The following LHFPL3 variants were observed in gnomAD, a reference collection of about 807,000 sequenced individuals.
The protein encoded by LHFPL3 is LHFPL tetraspan subfamily member 3 protein.
LHFPL3 carries 5 observed loss-of-function variants against 19.3 expected under a neutral mutation model. That is an observed-to-expected ratio of 0.26 (90% confidence interval 0.14 to 0.54). The LOEUF (loss-of-function observed/expected upper bound fraction) is 0.54, where lower values mean the gene tolerates loss of function less well. LHFPL3 is among the 20% of genes least tolerant of loss of function. LHFPL3 has a pLI of 0.94. For synonymous variants in LHFPL3, 133 were observed against 126.2 expected, an observed-to-expected ratio of 1.05 and a Z score of -0.36; for missense variants, 249 against 307.4, an observed-to-expected ratio of 0.81 and a Z score of 1.42.
At chr7:104,539,416 A>C (rs960060010) in intron 1 of LHFPL3, among the ~76,000 whole-genome samples, 3 of 152,184 alleles carry the variant, frequency 2.0e-5, no homozygotes, top group Non-Finnish European at 4.4e-5. Flanking sequence ...TCAAGAAGTA[A>C]ATTTAGTGGG....
rs1049014831 is a variant in LHFPL3 at position 104,400,690 on chromosome 7, A to G, written c.445+71466A>G. ...TCCACTCAGCCAGACTAACAACTCA[A>G]ATACCCCTCAGCATGATCTAAATTG... On this transcript the variant is annotated intron_variant, in intron 1 of 2. Coordinates refer to ENST00000424859, the MANE Select transcript of LHFPL3 (RefSeq NM_199000.3). Among the ~76,000 whole-genome samples, 3 of 152,132 alleles carry G rather than the reference A, an allele frequency of 2.0e-5. No individual in the cohort carries two copies. The East Asian group carries it at 5.8e-4, about 29-fold the overall frequency.
At chr7:104,823,203 C>T (rs1790711029) in intron 2 of LHFPL3, among the ~76,000 whole-genome samples, 1 of 152,056 alleles carries the variant, frequency 6.6e-6, no homozygotes, top group Non-Finnish European at 1.5e-5. Context: ...AGAAATGGGC[C>T]CACTCCAAAA....
intron 1 of LHFPL3, among the ~76,000 whole-genome samples, chr7:104,335,821 T>C (rs921097588): frequency 2.1e-5 from 3 of 144,720 alleles, no homozygotes; most frequent in African/African-American, 5.2e-5. Context: ...GCACTGTATG[T>C]ACATACCTCA....
At chr7:104,413,731 A>G (rs1250720373) in intron 1 of LHFPL3, among the ~76,000 whole-genome samples, 2 of 152,178 alleles carry the variant, frequency 1.3e-5, no homozygotes, top group African/African-American at 4.8e-5. Context: ...ACCATCATGC[A>G]TTCTTCTACA....
At chr7:104,543,464 C>A (rs1443580013) in intron 1 of LHFPL3, among the ~76,000 whole-genome samples, 3 of 151,834 alleles carry the variant, frequency 2.0e-5, no homozygotes, top group Non-Finnish European at 4.4e-5. Flanking sequence ...CACATGCACA[C>A]GTATATTTAC....
At chr7:104,504,848 G>A (rs1034247221) in intron 1 of LHFPL3, among the ~76,000 whole-genome samples, 2 of 152,074 alleles carry the variant, frequency 1.3e-5, no homozygotes, top group Non-Finnish European at 2.9e-5. Flanking sequence ...AAATATAATT[G>A]GTTCAGCTTG....
chr7:104,897,733 T>G (rs56366055), intron 2 of LHFPL3, among the ~76,000 whole-genome samples: 118 of 152,316 alleles, frequency 7.7e-4, no homozygotes, highest in African/African-American at 2.8e-3. Flanking sequence ...TCTGAGAAAT[T>G]TGCAAAAGAC....
intron 1 of LHFPL3, among the ~76,000 whole-genome samples, chr7:104,681,695 C>G (rs1370468859): frequency 1.3e-5 from 2 of 151,924 alleles, no homozygotes; most frequent in Admixed American, 1.3e-4. Context: ...GCCTTATTAC[C>G]CCTGTTTTAC....
chr7:104,819,544 C>G (rs1448179375), intron 2 of LHFPL3, among the ~76,000 whole-genome samples: 2 of 152,118 alleles, frequency 1.3e-5, no homozygotes, highest in Non-Finnish European at 2.9e-5. Context: ...TCCCCTTCTT[C>G]TCTCATTTAA....
chr7:104,456,837 C>A (rs1349529172), intron 1 of LHFPL3, among the ~76,000 whole-genome samples: 2 of 152,132 alleles, frequency 1.3e-5, no homozygotes, highest in Non-Finnish European at 2.9e-5. Context: ...TGATTCATGT[C>A]CCAAGGTGTG....
intron 1 of LHFPL3, among the ~76,000 whole-genome samples, chr7:104,509,164 C>G (rs778401133): frequency 6.6e-6 from 1 of 151,340 alleles, no homozygotes; most frequent in Non-Finnish European, 1.5e-5. Flanking sequence ...GAGAATTCTA[C>G]CAGAAGATAG....
At chr7:104,846,266 G>A (rs1791311262) in intron 2 of LHFPL3, among the ~76,000 whole-genome samples, 1 of 152,146 alleles carries the variant, frequency 6.6e-6, no homozygotes, top group African/African-American at 2.4e-5. Context: ...CAGCGTACCT[G>A]GAACATTTAA....
chr7:104,528,222 C>T (rs1445028326), intron 1 of LHFPL3, among the ~76,000 whole-genome samples: 2 of 152,156 alleles, frequency 1.3e-5, no homozygotes, highest in Non-Finnish European at 2.9e-5. Context: ...ATAACAGCCA[C>T]CAGGGGCTTT....
At chr7:104,353,329 G>T (rs1031939305) in intron 1 of LHFPL3, among the ~76,000 whole-genome samples, 4 of 152,190 alleles carry the variant, frequency 2.6e-5, no homozygotes, top group African/African-American at 9.7e-5. Flanking sequence ...GCTGAGGTGT[G>T]ATGTCAGATG....
intron 1 of LHFPL3, chr7:104,667,899 G>A (rs1792387794): frequency 6.2e-7 from 1 of 1,612,518 alleles, no homozygotes. Flanking sequence ...GGAAGGAGAT[G>A]TTTCTACAAC....
intron 2 of LHFPL3, among the ~76,000 whole-genome samples, chr7:104,818,522 T>TTTAA (rs1365172240): frequency 6.6e-6 from 1 of 152,182 alleles, no homozygotes; most frequent in Non-Finnish European, 1.5e-5. Flanking sequence ...TTCTTGGTGT[T>TTTAA]TTAATTTCCA....
intron 2 of LHFPL3, among the ~76,000 whole-genome samples, chr7:104,765,820 C>A (rs1434577135): frequency 6.6e-6 from 1 of 152,202 alleles, no homozygotes; most frequent in African/African-American, 2.4e-5. Flanking sequence ...AGTTTATATG[C>A]AATGCAGATG....
intron 1 of LHFPL3, among the ~76,000 whole-genome samples, chr7:104,674,927 G>T (rs966061993): frequency 2.0e-5 from 3 of 152,114 alleles, no homozygotes; most frequent in Admixed American, 2.0e-4. Context: ...CACAAGAAAA[G>T]AAATACAGAA....
chr7:104,509,956 AT>A (rs1289562365), intron 1 of LHFPL3, among the ~76,000 whole-genome samples: 8 of 152,130 alleles, frequency 5.3e-5, no homozygotes, highest in Non-Finnish European at 7.4e-5. Context: ...TCAACATGGG[AT>A]ATCAAAGTTA....
Sources: allele counts gnomAD v4.1 joint callset (sites outside exome capture counted in the v4.1 genomes callset), GRCh38; gene constraint gnomAD v4.1.1; transcripts MANE v1.5; gene names NCBI Gene and HGNC (gene_info 2026-07-23, HGNC 2026-07-21).